Variants in TRHDE observed in about 807,000 individuals in gnomAD.
TRHDE encodes thyrotropin-releasing hormone-degrading ectoenzyme.
Under a neutral mutation model 125.7 loss-of-function variants are expected in TRHDE, and 72 were observed. The ratio of observed to expected loss-of-function variants is 0.57; its 90% CI spans 0.47 to 0.70. The LOEUF (loss-of-function observed/expected upper bound fraction) is 0.70. Ranked by LOEUF, TRHDE falls within the 30% of genes least tolerant of loss-of-function variation. TRHDE has a pLI of 0.00. For synonymous variants in TRHDE, 509 were observed against 509.1 expected, an observed-to-expected ratio of 1.00 and a Z score of 0.00; for missense variants, 1,110 against 1,327.1, an observed-to-expected ratio of 0.84 and a Z score of 2.54.
At chr12:72,659,454 G>C (rs1161853653) in intron 18 of TRHDE, among the ~76,000 whole-genome samples, 1 of 152,142 alleles carries the variant, frequency 6.6e-6, no homozygotes, top group Admixed American at 6.6e-5. Context: ...GAGGAACATA[G>C]ATCCTATGCA....
At chr12:72,095,752 A>G (rs1365613637) in intron 1 of TRHDE, among the ~76,000 whole-genome samples, 1 of 152,204 alleles carries the variant, frequency 6.6e-6, no homozygotes, top group Non-Finnish European at 1.5e-5. Flanking sequence ...TGTTGTTCCT[A>G]TACTCAGTGT....
chr12:72,562,784 ATG>A, intron 8 of TRHDE, 67 bp from the exon 9 acceptor site: 2 of 999,304 alleles, frequency 2.0e-6, no homozygotes, highest in South Asian at 2.0e-5. Flanking sequence ...AGAAATAAAA[ATG>A]TCTTAATGTT....
chr12:72,533,636 C>T lies in TRHDE; in HGVS notation c.1723-8655C>T, dbSNP rs1592518358. ...CTTTTTTACCTCTATTACTTTCTTT[C>T]TCGGAGCTTTGCTATTTTATTAGTT... is the stretch of plus-strand genomic sequence containing the variant. On this transcript the variant is annotated intron_variant, in intron 6 of 18. Coordinates refer to ENST00000261180, the MANE Select transcript of TRHDE (RefSeq NM_013381.3). 4.0e-5 allele frequency among the ~76,000 whole-genome samples: 6 copies of T among 149,680 alleles called. 1 individual carries two copies. The highest frequency in any genetic ancestry group is 4.0e-4 in the Admixed American group (6 of 15,046).
At chr12:72,651,712 A>G (rs906300467) in intron 15 of TRHDE, among the ~76,000 whole-genome samples, 1 of 151,942 alleles carries the variant, frequency 6.6e-6, no homozygotes, top group Non-Finnish European at 1.5e-5. Flanking sequence ...CCACTATAAT[A>G]TTGCATTTTG....
intron 3 of TRHDE, among the ~76,000 whole-genome samples, chr12:72,381,399 T>G (rs1592404813): frequency 1.3e-5 from 2 of 151,156 alleles, no homozygotes; most frequent in African/African-American, 4.9e-5. Context: ...ACGAAAGTTT[T>G]TTTTTTTTTT....
intron 3 of TRHDE, among the ~76,000 whole-genome samples, chr12:72,455,086 G>A (rs1368585425): frequency 6.6e-6 from 1 of 152,084 alleles, no homozygotes; most frequent in African/African-American, 2.4e-5. Context: ...GGTCAGGAAG[G>A]AGGAAGGGAG....
intron 2 of TRHDE, among the ~76,000 whole-genome samples, chr12:72,339,499 A>G (rs1040819367): frequency 6.6e-6 from 1 of 152,090 alleles, no homozygotes; most frequent in Non-Finnish European, 1.5e-5. Flanking sequence ...CCTCATCTCT[A>G]AGGAACGTCA....
At chr12:72,116,512 C>G (rs1397253108) in intron 2 of TRHDE, among the ~76,000 whole-genome samples, 3 of 152,020 alleles carry the variant, frequency 2.0e-5, no homozygotes, top group African/African-American at 7.2e-5. Context: ...CCATATCTTC[C>G]CCAGCATCTG....
intron 6 of TRHDE, among the ~76,000 whole-genome samples, chr12:72,536,917 G>C (rs1868891068): frequency 6.6e-6 from 1 of 151,964 alleles, no homozygotes; most frequent in Non-Finnish European, 1.5e-5. Flanking sequence ...CAAACTCTCA[G>C]TAACTCTAAG....
chr12:72,206,389 AGCAGGAC>A (rs1877666274), intron 2 of TRHDE, among the ~76,000 whole-genome samples: 1 of 152,152 alleles, frequency 6.6e-6, no homozygotes, highest in Non-Finnish European at 1.5e-5. Flanking sequence ...CACCACACCC[AGCAGGAC>A]TGATTGTTAT....
At chr12:72,354,749 T>C (rs926800462) in intron 2 of TRHDE, among the ~76,000 whole-genome samples, 12 of 147,814 alleles carry the variant, frequency 8.1e-5, no homozygotes, top group South Asian at 4.2e-4. Context: ...ATATATAATA[T>C]ATAATATGCA....
intron 3 of TRHDE, among the ~76,000 whole-genome samples, chr12:72,416,206 G>A (rs533129455): frequency 1.3e-5 from 2 of 152,060 alleles, no homozygotes; most frequent in South Asian, 2.1e-4. Flanking sequence ...TTTGAGAAAT[G>A]TCTATTCAGA....
At chr12:72,372,568 A>G (rs1222271911) in intron 2 of TRHDE, among the ~76,000 whole-genome samples, 1 of 152,160 alleles carries the variant, frequency 6.6e-6, no homozygotes, top group Non-Finnish European at 1.5e-5. Flanking sequence ...ATTTTTGTAT[A>G]AGGTGTAAGG....
intron 2 of TRHDE, among the ~76,000 whole-genome samples, chr12:72,294,030 A>G (rs1880191898): frequency 6.6e-6 from 1 of 152,106 alleles, no homozygotes; most frequent in Non-Finnish European, 1.5e-5. Context: ...CATGGCTGGT[A>G]CTGGGGAATA....
chr12:72,356,507 AC>A (rs1279962917), intron 2 of TRHDE, among the ~76,000 whole-genome samples: 1 of 151,308 alleles, frequency 6.6e-6, no homozygotes, highest in Non-Finnish European at 1.5e-5. Context: ...TATATAACAA[AC>A]CTGCACATGT....
chr12:72,638,465 CA>C (rs1264751856), intron 15 of TRHDE, among the ~76,000 whole-genome samples: 4 of 150,774 alleles, frequency 2.7e-5, no homozygotes, highest in Admixed American at 2.6e-4. Context: ...TCCAATTTGC[CA>C]GTCTGTGTCT....
rs185206107 is a variant in TRHDE at position 72,120,551 on chromosome 12, C to T, written n.279+14799C>T. Among the ~76,000 whole-genome samples the T allele has an allele frequency of 1.4e-3, 210 of 151,932 alleles. 1 individual carries two copies. Among genetic ancestry groups the T allele is most frequent in the African/African-American group, 4.6e-3 (192 of 41,466 alleles). ...AGGTTACCATGAGGCTTGCAAATAA[C>T]ATCTTATAACCCATTATTTTAAGCT... is the stretch of plus-strand genomic sequence containing the variant. On this transcript the variant is annotated intron_variant and non_coding_transcript_variant, in intron 2 of 4. Transcript: ENST00000548156.
At chr12:72,543,233 C>A (rs1869241196) in intron 7 of TRHDE, among the ~76,000 whole-genome samples, 1 of 151,260 alleles carries the variant, frequency 6.6e-6, no homozygotes, top group African/African-American at 2.4e-5. Flanking sequence ...TATCTGTACC[C>A]CCAAATAAAT....
chr12:72,538,035 G>T (rs1868954480), intron 6 of TRHDE, among the ~76,000 whole-genome samples: 1 of 151,920 alleles, frequency 6.6e-6, no homozygotes, highest in South Asian at 2.1e-4. Context: ...AGCTTTCCTG[G>T]AATCTTGCTT....
Sources: allele counts gnomAD v4.1 joint callset (sites outside exome capture counted in the v4.1 genomes callset), GRCh38; gene constraint gnomAD v4.1.1; transcripts MANE v1.5; gene names NCBI Gene and HGNC (gene_info 2026-07-23, HGNC 2026-07-21).